The following CACNA1C variants were observed in gnomAD, a reference collection of about 807,000 sequenced individuals.
CACNA1C encodes the protein voltage-dependent L-type calcium channel subunit alpha-1C.
A neutral mutation model predicts 229.0 loss-of-function variants in CACNA1C; 30 were observed. That is an observed-to-expected ratio of 0.13 (90% confidence interval 0.10 to 0.18). The LOEUF (loss-of-function observed/expected upper bound fraction) is 0.18, where lower values mean the gene tolerates loss of function less well. CACNA1C is among the 10% of genes least tolerant of loss of function. The pLI is 1.00. For synonymous variants in CACNA1C, 1,114 were observed against 1,132.5 expected, an observed-to-expected ratio of 0.98 and a Z score of 0.33; for missense variants, 1,658 against 2,845.0, an observed-to-expected ratio of 0.58 and a Z score of 9.49.
intron 30 of CACNA1C, among the ~76,000 whole-genome samples, chr12:2,638,340 T>C (rs536766426): frequency 6.6e-6 from 1 of 152,218 alleles, no homozygotes; most frequent in South Asian, 2.1e-4. Flanking sequence ...GGATTCTCCA[T>C]GTGGAGATCG....
At chr12:2,252,920 T>C (rs1348419645) in intron 3 of CACNA1C, among the ~76,000 whole-genome samples, 3 of 152,042 alleles carry the variant, frequency 2.0e-5, no homozygotes, top group Non-Finnish European at 4.4e-5. Flanking sequence ...AAAGTGTTGA[T>C]GGCCCTCTCC....
intron 3 of CACNA1C, among the ~76,000 whole-genome samples, chr12:2,191,818 GCA>G (rs369515672): frequency 0.015 from 2,200 of 144,918 alleles, 63 homozygotes; most frequent in African/African-American, 0.054. Context: ...GCACACGTAT[GCA>G]CACACACATA....
intron 1 of CACNA1C, among the ~76,000 whole-genome samples, chr12:2,044,362 A>G (rs1176929846): frequency 6.6e-6 from 1 of 152,196 alleles, no homozygotes; most frequent in Non-Finnish European, 1.5e-5. Context: ...CGGCAAGTTC[A>G]TGAGAGTCAC....
In CACNA1C at chr12:2,053,293, T is replaced by G; in HGVS notation, c.-270T>G. 8.6e-7 allele frequency: 1 copy of G among 1,168,672 alleles called. No homozygotes were observed. Among genetic ancestry groups the G allele is most frequent in the Non-Finnish European group, 1.1e-6 (1 of 945,752 alleles). 72.4% of individuals were successfully genotyped at this position (1,168,672 alleles called of 1,614,324 possible). A position where few individuals can be genotyped will look rare whatever the true frequency, so the allele number is the denominator to read the frequency against. ...TAGCCGCCGGAGGTGCGGTGCTCAG[T>G]TCTTGGAAGGGGCCCGGATGTACTG... is the stretch of plus-strand genomic sequence containing the variant. On this transcript the variant is annotated 5_prime_UTR_variant, in exon 1 of 47. Transcript: ENST00000399655. This position sits in a 1 kb window ranked among gnomAD's most constrained non-coding sequence, Gnocchi z 5.8.
At chr12:2,659,076 A>G (rs2095572667) in intron 34 of CACNA1C, among the ~76,000 whole-genome samples, 1 of 152,144 alleles carries the variant, frequency 6.6e-6, no homozygotes, top group Non-Finnish European at 1.5e-5. Flanking sequence ...GTGTAGCCTA[A>G]GTTTATAGTG....
chr12:2,325,325 C>G (rs1402115337), intron 3 of CACNA1C, among the ~76,000 whole-genome samples: 1 of 152,196 alleles, frequency 6.6e-6, no homozygotes, highest in Non-Finnish European at 1.5e-5. Context: ...GTGAGAATAC[C>G]TGGTCGGGAA....
chr12:2,033,614 C>G (rs747430709), intron 1 of CACNA1C, among the ~76,000 whole-genome samples: 1 of 152,124 alleles, frequency 6.6e-6, no homozygotes, highest in African/African-American at 2.4e-5. Flanking sequence ...TTCTGGCAAC[C>G]TCATGCTAAA....
chr12:2,249,772 CTTTT>C, intron 3 of CACNA1C, among the ~76,000 whole-genome samples: 1 of 138,790 alleles, frequency 7.2e-6, no homozygotes, highest in East Asian at 2.1e-4. Flanking sequence ...TGCCTTCTCT[CTTTT>C]TTTTTTTTTT....
intron 1 of CACNA1C, among the ~76,000 whole-genome samples, chr12:2,102,846 G>A (rs918483118): frequency 6.6e-6 from 1 of 152,180 alleles, no homozygotes; most frequent in Admixed American, 6.5e-5. Flanking sequence ...TTGGTTTTCT[G>A]TTCTTGCACT....
At chr12:2,050,599 T>C (rs1192645556), upstream of CACNA1C, among the ~76,000 whole-genome samples, 1 of 152,214 alleles carries the variant, frequency 6.6e-6, no homozygotes, top group Admixed American at 6.5e-5. Flanking sequence ...AAATGCGAAA[T>C]ATTTGAATTT....
At chr12:2,230,775 C>T (rs1301267722) in intron 3 of CACNA1C, among the ~76,000 whole-genome samples, 1 of 152,218 alleles carries the variant, frequency 6.6e-6, no homozygotes, top group Admixed American at 6.5e-5. Flanking sequence ...TAACCCTTCT[C>T]CGGTGCTTAT....
chr12:2,296,791 T>C (rs2094087295), intron 3 of CACNA1C, among the ~76,000 whole-genome samples: 1 of 152,208 alleles, frequency 6.6e-6, no homozygotes, highest in South Asian at 2.1e-4. Context: ...CTGCATGGGG[T>C]GGAAATGTCT....
At chr12:2,324,465 GT>G (rs2096186984) in intron 3 of CACNA1C, among the ~76,000 whole-genome samples, 1 of 152,196 alleles carries the variant, frequency 6.6e-6, no homozygotes, top group African/African-American at 2.4e-5. Flanking sequence ...TCCTGTTTTT[GT>G]CCAAGACCAT....
intron 6 of CACNA1C, among the ~76,000 whole-genome samples, chr12:2,491,939 C>T (rs1443911999): frequency 6.6e-6 from 1 of 150,998 alleles, no homozygotes; most frequent in Non-Finnish European, 1.5e-5. Context: ...TCTGTTGTCT[C>T]TAAATGAAGA....
At chr12:2,523,590 A>G (rs1318991004) in intron 9 of CACNA1C, among the ~76,000 whole-genome samples, 1 of 151,442 alleles carries the variant, frequency 6.6e-6, no homozygotes, top group Non-Finnish European at 1.5e-5. Context: ...CCCGGGGGGG[A>G]TCACTGACAC....
Position 1,971,683 on chromosome 12 carries a change from T to G in CACNA1C, c.139+482T>G, listed in dbSNP as rs2032334701. 1.3e-5 allele frequency among the ~76,000 whole-genome samples: 2 copies of G among 152,268 alleles called. 1 individual carries two copies. The highest frequency in any genetic ancestry group is 4.1e-4 in the South Asian group (2 of 4,836). On this transcript the variant is annotated intron_variant, in intron 1 of 46. Transcript: ENST00000682462. This position sits in a 1 kb window ranked among gnomAD's most constrained non-coding sequence, Gnocchi z 4.2. ...TAAGGGGCCATTAAAGGCAGTGTCATGTCAGCGTCATTCAAATGTACATTT... is the reference window on the plus strand; with the variant it reads ...TAAGGGGCCATTAAAGGCAGTGTCAGGTCAGCGTCATTCAAATGTACATTT...
chr12:2,665,499 A>G lies in CACNA1C; in HGVS notation c.4399-82A>G. On this transcript the variant is annotated intron_variant, in intron 35 of 46. Coordinates refer to ENST00000399655, the MANE Select transcript of CACNA1C (RefSeq NM_000719.7). The surrounding 1 kb of genome is among the most constrained non-coding windows in gnomAD (Gnocchi z 5.9). Reference sequence around the variant, plus strand: ...AGAAATGTTGGCTTCTGCCATCAGTAGGCCCCAGCTGGCAAGGGGGTTCCA... The same window carrying G: ...AGAAATGTTGGCTTCTGCCATCAGTGGGCCCCAGCTGGCAAGGGGGTTCCA... The G allele has an allele frequency of 6.8e-7, 1 of 1,480,856 alleles. No homozygotes were observed. The allele number at this position is 1,480,856 out of a possible 1,614,324, so 91.7% of individuals were successfully genotyped here.
intron 3 of CACNA1C, among the ~76,000 whole-genome samples, chr12:2,413,880 A>C (rs938189936): frequency 1.3e-5 from 2 of 152,120 alleles, no homozygotes; most frequent in Non-Finnish European, 2.9e-5. Context: ...TTCCCCAGGC[A>C]CTTCTTTGTT....
rs118020744 is a variant in CACNA1C, at chr12:2,521,566, C to T, written c.1390+8582C>T. On this transcript the variant is annotated intron_variant, in intron 9 of 46. Coordinates refer to ENST00000399655, the MANE Select transcript of CACNA1C (RefSeq NM_000719.7). ...GGTCCCAGCCCAAACCAGCATCTTC[C>T]GAGCCCACTTCTCTCTCCAGAGGCT... Among the ~76,000 whole-genome samples, 1,175 of 152,298 alleles carry T rather than the reference C, an allele frequency of 7.7e-3. 11 individuals are homozygous for T. Among genetic ancestry groups the T allele is most frequent in the Non-Finnish European group, 0.014 (954 of 68,012 alleles).
Sources: gnomAD v4.1 joint callset for allele counts (sites outside exome capture counted in the v4.1 genomes callset) on GRCh38, gnomAD v4.1.1 for gene constraint, Gnocchi (gnomAD v3.1) non-coding constraint, MANE v1.5 for transcripts, NCBI Gene and HGNC (gene_info 2026-07-23, HGNC 2026-07-21) for gene names.